The following ACSL6 variants were observed in gnomAD, a reference collection of about 807,000 sequenced individuals.
ACSL6 encodes acyl-CoA synthetase long chain family member 6.
In ACSL6, 47 loss-of-function variants were observed where a neutral mutation model predicts 98.2. That is an observed-to-expected ratio of 0.48 (90% CI 0.38 to 0.61). ACSL6 has a LOEUF of 0.61. Ranked by LOEUF, ACSL6 falls within the 20% of genes least tolerant of loss-of-function variation. ACSL6 has a pLI of 0.00. For missense variants in ACSL6, 761 were observed against 913.4 expected (o/e 0.83, Z 2.15); for synonymous variants, 362 against 336.9 (o/e 1.07, Z -0.82).
Position 131,965,708 on chromosome 5 carries a change from C to T in ACSL6, c.1713+708G>A, listed in dbSNP as rs542405087. 1.4e-4 allele frequency among the ~76,000 whole-genome samples: 21 copies of T among 152,162 alleles called. No individual in the cohort carries two copies. The East Asian group carries it at 1.7e-3, about 13-fold the overall frequency. ...CTGCACTCCAGTCTGGGTGACAGAA[C>T]GAGACTCCATTTCATAAATAAATAA... On this transcript the variant is annotated intron_variant, in intron 17 of 20. Transcript: ENST00000651883.
intron 2 of ACSL6, among the ~76,000 whole-genome samples, chr5:131,992,191 G>A (rs1754561454): frequency 6.6e-6 from 1 of 152,166 alleles, no homozygotes; most frequent in Admixed American, 6.5e-5. Context: ...AGGTGCATTT[G>A]GGGAACTGTA....
rs1247503892 is a variant in ACSL6, at chr5:131,952,435, G to C, written c.*1799C>G. The C allele has an allele frequency of 4.7e-6, 1 of 212,890 alleles. No individual in the cohort carries two copies. The highest frequency in any genetic ancestry group is 2.3e-5 in the African/African-American group (1 of 44,224). The allele number at this position is 212,890 out of a possible 1,614,324, so 13.2% of individuals were successfully genotyped here. A position where few individuals can be genotyped will look rare whatever the true frequency, so the allele number is the denominator to read the frequency against. ...GCATATTTATTCAGTAGGCCCATGT[G>C]ATTATGTGGTTTTTAACTAACAGCA... is the stretch of plus-strand genomic sequence containing the variant. On this transcript the variant is annotated 3_prime_UTR_variant, in exon 21 of 21. Coordinates refer to ENST00000651883, the MANE Select transcript of ACSL6 (RefSeq NM_001009185.3).
chr5:131,985,951 A>G (rs968997858), intron 8 of ACSL6, among the ~76,000 whole-genome samples: 7 of 152,346 alleles, frequency 4.6e-5, no homozygotes, highest in African/African-American at 1.4e-4. Context: ...TTGCCCTGGC[A>G]CTGGGCACAT....
At chr5:132,009,002 G>T (rs1755567584) in intron 1 of ACSL6, among the ~76,000 whole-genome samples, 1 of 152,182 alleles carries the variant, frequency 6.6e-6, no homozygotes, top group South Asian at 2.1e-4. Context: ...GCTTCCCCAA[G>T]CCAGACCTAG....
chr5:131,956,471 G>C (rs906364346), intron 20 of ACSL6, among the ~76,000 whole-genome samples: 17 of 152,158 alleles, frequency 1.1e-4, no homozygotes, highest in African/African-American at 3.4e-4. Flanking sequence ...CCTGCTCTGG[G>C]CTCACCTTTC....
At chr5:131,973,003 A>G in intron 12 of ACSL6, 145 bp from the exon 13 acceptor site, 1 of 1,236,982 alleles carries the variant, frequency 8.1e-7, no homozygotes, top group Non-Finnish European at 1.1e-6. Flanking sequence ...TGTGACATTG[A>G]GCTGAAGGTT....
At chr5:131,976,325 A>T (rs541587496) in intron 10 of ACSL6, 2 of 693,558 alleles carry the variant, frequency 2.9e-6, no homozygotes, top group East Asian at 2.7e-4. Context: ...GTACACACAA[A>T]ACCATGGGTA....
At chr5:131,980,236 C>T (rs994103286) in intron 9 of ACSL6, among the ~76,000 whole-genome samples, 2 of 152,132 alleles carry the variant, frequency 1.3e-5, no homozygotes, top group African/African-American at 4.8e-5. Flanking sequence ...CTAGAGTGTT[C>T]GTCTTCCTGC....
chr5:132,001,292 C>A (rs1465921326), intron 1 of ACSL6, among the ~76,000 whole-genome samples: 1 of 152,196 alleles, frequency 6.6e-6, no homozygotes, highest in Non-Finnish European at 1.5e-5. Flanking sequence ...AATGCACAGC[C>A]TTCACCATCA....
intron 15 of ACSL6, 103 bp downstream of exon 15, chr5:131,970,025 T>G: frequency 2.0e-6 from 2 of 976,302 alleles, no homozygotes; most frequent in South Asian, 2.7e-5. Context: ...GCTTTATTCC[T>G]AAGTACCCAT....
intron 7 of ACSL6, 51 bp from the exon 8 acceptor site, chr5:131,986,905 T>C (rs1194290919): frequency 1.9e-6 from 3 of 1,603,350 alleles, no homozygotes; most frequent in Non-Finnish European, 2.6e-6. Context: ...TCTCTCTCTC[T>C]CTTTCTGTCC....
At chr5:131,976,150 C>A (rs908709419) in intron 10 of ACSL6, 7 of 985,274 alleles carry the variant, frequency 7.1e-6, no homozygotes, top group Non-Finnish European at 8.4e-6. Context: ...TTGGTCAGGC[C>A]AAGACATCAA....
intron 2 of ACSL6, among the ~76,000 whole-genome samples, chr5:131,991,606 G>A (rs1481834408): frequency 6.6e-6 from 1 of 152,164 alleles, no homozygotes; most frequent in Non-Finnish European, 1.5e-5. Context: ...AGTGGCACGG[G>A]TGCAGAGTGG....
intron 1 of ACSL6, among the ~76,000 whole-genome samples, chr5:132,004,812 GA>G (rs1755303480): frequency 6.6e-6 from 1 of 152,184 alleles, no homozygotes; most frequent in African/African-American, 2.4e-5. Flanking sequence ...TGCCACCACA[GA>G]CAGACCTAGG....
intron 9 of ACSL6, chr5:131,981,922 AT>A: frequency 6.6e-6 from 1 of 152,436 alleles, no homozygotes; most frequent in African/African-American, 2.4e-5. Context: ...AAGTGGCACA[AT>A]TTCGGCTCAC....
chr5:131,969,556 G>GA (rs1753191144), intron 15 of ACSL6, among the ~76,000 whole-genome samples: 1 of 152,010 alleles, frequency 6.6e-6, no homozygotes, highest in African/African-American at 2.4e-5. Flanking sequence ...ACTCCAGATG[G>GA]AAAAATGTTT....
Position 131,989,478 on chromosome 5 carries a change from C to T in ACSL6, c.481G>A (p.Gly161Arg), listed in dbSNP as rs1754386136. The change falls in exon 5 of 21, where the codon GGA becomes AGA. Residue 161 changes from glycine (G) to arginine (R), a missense_variant. Coordinates refer to ENST00000651883, the MANE Select transcript of ACSL6 (RefSeq NM_001009185.3). ...GCTTTACAATTGTGCTGGAGAAGTC[C>T]GGACCCCAGAAATTCAGCCCTGTCG... is the stretch of plus-strand genomic sequence containing the variant. ...VADRAEFLGS[G>R]LLQHNCKACT... 1.9e-6 allele frequency: 3 copies of T among 1,613,444 alleles called. No individual in the cohort carries two copies. Among genetic ancestry groups the T allele is most frequent in the South Asian group, 1.1e-5 (1 of 91,058 alleles).
At chr5:131,962,494 T>C (rs547511984) in intron 18 of ACSL6, 41 bp downstream of exon 18, 73 of 1,556,472 alleles carry the variant, frequency 4.7e-5, no homozygotes, top group Admixed American at 2.1e-4. Flanking sequence ...TTTTTCAGCA[T>C]GCCCAGGATA....
At chr5:132,007,535 A>T (rs1280834881) in intron 1 of ACSL6, among the ~76,000 whole-genome samples, 3 of 152,228 alleles carry the variant, frequency 2.0e-5, no homozygotes, top group Non-Finnish European at 4.4e-5. Flanking sequence ...GGCCTGACTC[A>T]CAGCTCTTAC....
Sources: gnomAD v4.1 joint callset for allele counts (sites outside exome capture counted in the v4.1 genomes callset) on GRCh38, gnomAD v4.1.1 for gene constraint, MANE v1.5 for transcripts, NCBI Gene and HGNC (gene_info 2026-07-23, HGNC 2026-07-21) for gene names.